Variants in KLF13 observed in about 807,000 individuals in gnomAD.
The protein encoded by KLF13 is Krueppel-like factor 13.
A neutral mutation model predicts 16.7 loss-of-function variants in KLF13; 8 were observed. The observed-to-expected ratio is 0.48, with a 90% CI of 0.28 to 0.87. The LOEUF is 0.87. KLF13 is among the 40% of genes least tolerant of loss of function. KLF13 has a pLI of 0.10. For synonymous variants in KLF13, 245 were observed against 208.4 expected (o/e 1.18, Z -1.51); for missense variants, 447 against 452.2 (o/e 0.99, Z 0.10).
chr15:31,364,176 GTT>G (rs1281776412), intron 1 of KLF13, among the ~76,000 whole-genome samples: 1 of 152,104 alleles, frequency 6.6e-6, no homozygotes, highest in Non-Finnish European at 1.5e-5. Flanking sequence ...ATTACTGTGT[GTT>G]TTTCTGTATG....
At chr15:31,405,540 C>A (rs1353529959), downstream of KLF13, among the ~76,000 whole-genome samples, 1 of 152,200 alleles carries the variant, frequency 6.6e-6, no homozygotes, top group Non-Finnish European at 1.5e-5. Context: ...ATTGTAACAA[C>A]CTGAACTGAT....
chr15:31,387,175 G>A (rs970137558), intron 1 of KLF13, among the ~76,000 whole-genome samples: 8 of 152,200 alleles, frequency 5.3e-5, no homozygotes, highest in Admixed American at 1.3e-4. Flanking sequence ...AAGTTTTACC[G>A]TGGGTAAAAT....
intron 1 of KLF13, among the ~76,000 whole-genome samples, chr15:31,427,610 T>C (rs538829624): frequency 1.0e-3 from 155 of 152,336 alleles, no homozygotes; most frequent in African/African-American, 3.5e-3. Flanking sequence ...GGTATACACA[T>C]ACAATGGTGT....
At chr15:31,363,060 G>T (rs2140958301) in intron 1 of KLF13, among the ~76,000 whole-genome samples, 1 of 152,308 alleles carries the variant, frequency 6.6e-6, no homozygotes, top group East Asian at 1.9e-4. Flanking sequence ...TTCAGATGTG[G>T]GTAAAAGGGT....
At chr15:31,410,620 CA>C (rs1566842497) in intron 1 of KLF13, among the ~76,000 whole-genome samples, 31 of 147,614 alleles carry the variant, frequency 2.1e-4, no homozygotes, top group African/African-American at 5.9e-4. Context: ...CACACACACA[CA>C]CACACCCCTA....
In KLF13 at chr15:31,327,348, C is replaced by G. The variant is rs1595445261; in HGVS notation, c.136C>G (p.Leu46Val). Residue 46 changes from leucine (L) to valine (V), a missense_variant, in exon 1 of 2, where the codon CTG becomes GTG. This residue lies in a region of KLF13 where 359 missense variants were observed against 282.8 expected (regional missense o/e 1.27). Coordinates refer to ENST00000307145, the MANE Select transcript of KLF13 (RefSeq NM_015995.4). ...EGAAVAATPTLPRVEERRDGK... is the reference protein window; with the variant it reads ...EGAAVAATPTVPRVEERRDGK... ...CGCGGCCGTGGCCGCCACCCCCACGCTGCCCCGCGTCGAGGAGCGCCGCGA... is the reference window on the plus strand; with the variant it reads ...CGCGGCCGTGGCCGCCACCCCCACGGTGCCCCGCGTCGAGGAGCGCCGCGA... 3 of 1,277,764 alleles carry G rather than the reference C, an allele frequency of 2.3e-6. No individual in the cohort carries two copies. Among genetic ancestry groups the G allele is most frequent in the African/African-American group, 3.1e-5 (2 of 63,670 alleles). The allele number at this position is 1,277,764 out of a possible 1,614,324, so 79.2% of individuals were successfully genotyped here.
chr15:31,423,176 C>CGTATATATACGTGTATATATACGT (rs149346729), intron 1 of KLF13, among the ~76,000 whole-genome samples: 1 of 17,000 alleles, frequency 5.9e-5, no homozygotes, highest in African/African-American at 5.1e-4. Context: ...TATATATATA[C>CGTATATATACGTGTATATATACGT]ATATATACGT....
chr15:31,385,885 G>A (rs1409948699), intron 1 of KLF13, among the ~76,000 whole-genome samples: 2 of 152,348 alleles, frequency 1.3e-5, no homozygotes, highest in East Asian at 1.9e-4. Flanking sequence ...ATGTGAGGAA[G>A]TCTCAAAAGG....
chr15:31,330,326 C>T (rs2038805534), intron 1 of KLF13, among the ~76,000 whole-genome samples: 1 of 152,178 alleles, frequency 6.6e-6, no homozygotes, highest in Admixed American at 6.5e-5. Flanking sequence ...CTCCATTAGG[C>T]TCGGGAAGGT....
intron 1 of KLF13, among the ~76,000 whole-genome samples, chr15:31,349,989 G>C (rs535591567): frequency 6.6e-6 from 1 of 152,238 alleles, no homozygotes; most frequent in African/African-American, 2.4e-5. Flanking sequence ...CAAGTCCTCA[G>C]AGTAGCCTAG....
chr15:31,384,990 C>T (rs568570537), intron 1 of KLF13, among the ~76,000 whole-genome samples: 5 of 152,234 alleles, frequency 3.3e-5, no homozygotes, highest in African/African-American at 1.2e-4. Context: ...GTGATTAGAC[C>T]ATGAGGGTGG....
At chr15:31,427,250 T>C (rs545334842) in intron 1 of KLF13, among the ~76,000 whole-genome samples, 21 of 152,182 alleles carry the variant, frequency 1.4e-4, no homozygotes, top group Non-Finnish European at 2.5e-4. Context: ...ATGCACAGCA[T>C]CACTAGTCAT....
At chr15:31,379,605 G>A (rs78282272), downstream of KLF13, among the ~76,000 whole-genome samples, 2,138 of 152,342 alleles carry the variant, frequency 0.014, 56 homozygotes, top group African/African-American at 0.048. Flanking sequence ...GAGAAAAAAA[G>A]CAAGCAATAG....
At chr15:31,406,348 G>C (rs1176963482), downstream of KLF13, among the ~76,000 whole-genome samples, 1 of 152,148 alleles carries the variant, frequency 6.6e-6, no homozygotes, top group Non-Finnish European at 1.5e-5. Context: ...GAGGCAGCAG[G>C]CACCTGTAAT....
chr15:31,363,879 C>T (rs1161371191), intron 1 of KLF13, among the ~76,000 whole-genome samples: 2 of 152,198 alleles, frequency 1.3e-5, no homozygotes, highest in Non-Finnish European at 2.9e-5. Flanking sequence ...TTTTATTTTT[C>T]ACATTAGAAT....
At chr15:31,423,133 G>GTATATATACACGTATATATACGTATA (rs771153714) in intron 1 of KLF13, among the ~76,000 whole-genome samples, 1 of 95,646 alleles carries the variant, frequency 1.0e-5, no homozygotes. Flanking sequence ...GTATATATAC[G>GTATATATACACGTATATATACGTATA]TATACGTATA....
At chr15:31,406,994 C>T (rs993952413), downstream of KLF13, among the ~76,000 whole-genome samples, 1 of 152,178 alleles carries the variant, frequency 6.6e-6, no homozygotes, top group African/African-American at 2.4e-5. Flanking sequence ...ATGACATCTG[C>T]AAAGTCCCTT....
chr15:31,390,401 C>A (rs1299127481), upstream of KLF13, among the ~76,000 whole-genome samples: 1 of 152,210 alleles, frequency 6.6e-6, no homozygotes, highest in Non-Finnish European at 1.5e-5. Context: ...ATGCTTGATT[C>A]ATAATTTGGC....
downstream of KLF13, among the ~76,000 whole-genome samples, chr15:31,408,166 AT>A (rs1207410465): frequency 6.6e-6 from 1 of 152,238 alleles, no homozygotes; most frequent in Non-Finnish European, 1.5e-5. Context: ...ACCACAAAAA[AT>A]AAAAGAATTC....
Sources: allele counts gnomAD v4.1 joint callset (sites outside exome capture counted in the v4.1 genomes callset), GRCh38; gene constraint gnomAD v4.1.1; regional missense constraint gnomAD v4.1.1; transcripts MANE v1.5; gene names NCBI Gene and HGNC (gene_info 2026-07-23, HGNC 2026-07-21).